Variants in NPAS3 observed in about 807,000 individuals in gnomAD.
The protein encoded by NPAS3 is neuronal PAS domain protein 3.
A neutral mutation model predicts 73.1 loss-of-function variants in NPAS3; 14 were observed. The ratio of observed to expected loss-of-function variants is 0.19; its 90% confidence interval spans 0.13 to 0.30. The LOEUF is 0.30. NPAS3 is among the 10% of genes least tolerant of loss of function. NPAS3 has a pLI of 1.00. For synonymous variants in NPAS3, 620 were observed against 541.5 expected (o/e 1.14, Z -2.01); for missense variants, 1,096 against 1,250.0 (o/e 0.88, Z 1.86).
At chr14:33,677,255 C>CT (rs1225559445) in intron 6 of NPAS3, among the ~76,000 whole-genome samples, 5 of 151,978 alleles carry the variant, frequency 3.3e-5, no homozygotes, top group Non-Finnish European at 7.4e-5. Flanking sequence ...TGGTTTTGTC[C>CT]TTTTTGTACT....
chr14:33,232,860 CA>C (rs769645785), intron 3 of NPAS3, among the ~76,000 whole-genome samples: 1,543 of 152,238 alleles, frequency 0.01, 10 homozygotes, highest in Middle Eastern at 0.031. Flanking sequence ...TATTTAAGTA[CA>C]GGTTTCTCAG....
chr14:33,663,531 T>G (rs1034718799), intron 5 of NPAS3, among the ~76,000 whole-genome samples: 2 of 152,150 alleles, frequency 1.3e-5, no homozygotes, highest in Admixed American at 1.3e-4. Context: ...AATTTTCTTT[T>G]TTTGTTGTGT....
At chr14:33,336,846 T>C (rs2044249687) in intron 3 of NPAS3, among the ~76,000 whole-genome samples, 1 of 142,836 alleles carries the variant, frequency 7.0e-6, no homozygotes, top group Admixed American at 7.2e-5. Context: ...CTGTGGACCA[T>C]CTTTTCAGGT....
chr14:33,508,027 G>A (rs974870396), intron 4 of NPAS3, among the ~76,000 whole-genome samples: 1 of 151,936 alleles, frequency 6.6e-6, no homozygotes, highest in Non-Finnish European at 1.5e-5. Flanking sequence ...TTCCATGAGA[G>A]CACTCAACTT....
chr14:33,052,879 T>A (rs1359312654), intron 1 of NPAS3, among the ~76,000 whole-genome samples: 1 of 152,198 alleles, frequency 6.6e-6, no homozygotes, highest in Non-Finnish European at 1.5e-5. Flanking sequence ...AATATCTTAC[T>A]TATCACTGAA....
At chr14:33,578,340 T>C (rs1471272463) in intron 5 of NPAS3, 10 of 410,614 alleles carry the variant, frequency 2.4e-5, no homozygotes, top group Non-Finnish European at 3.8e-5. Context: ...ATTACAGGCA[T>C]GTACTACCAC....
At chr14:33,763,848 T>G (rs2062375066) in intron 7 of NPAS3, among the ~76,000 whole-genome samples, 1 of 151,748 alleles carries the variant, frequency 6.6e-6, no homozygotes, top group African/African-American at 2.4e-5. Context: ...AGTATTGGTT[T>G]TTTTTTTTTC....
chr14:33,022,467 A>T (rs956816679), intron 1 of NPAS3, among the ~76,000 whole-genome samples: 1 of 152,098 alleles, frequency 6.6e-6, no homozygotes, highest in Non-Finnish European at 1.5e-5. Flanking sequence ...GATCGAGACC[A>T]TCCTGGCTAA....
At chr14:33,300,584 G>T (rs1268338581) in intron 3 of NPAS3, among the ~76,000 whole-genome samples, 2 of 152,212 alleles carry the variant, frequency 1.3e-5, no homozygotes, top group African/African-American at 4.8e-5. Context: ...CTGAGAAGCT[G>T]AGGGGACCCA....
chr14:33,777,183 C>A (rs1285532394), intron 8 of NPAS3, among the ~76,000 whole-genome samples: 1 of 152,092 alleles, frequency 6.6e-6, no homozygotes, highest in Non-Finnish European at 1.5e-5. Context: ...TTAATGACAT[C>A]CTTGTTCCCT....
intron 4 of NPAS3, among the ~76,000 whole-genome samples, chr14:33,394,124 T>G (rs2047122394): frequency 6.6e-6 from 1 of 152,194 alleles, no homozygotes; most frequent in African/African-American, 2.4e-5. Context: ...AGGTTTTGTC[T>G]GTGAATATCA....
chr14:33,749,064 C>T lies in NPAS3; in HGVS notation c.852+13732C>T, dbSNP rs763812343. Among the ~76,000 whole-genome samples, 3 of 152,226 alleles carry T rather than the reference C, an allele frequency of 2.0e-5. No individual in the cohort carries two copies. In the East Asian group the frequency reaches 5.8e-4, roughly 29 times the overall value. ...TAATTTTTAGGGAGGGGTCAGTGAA[C>T]TTTTGCACCTTGTTCTTAGAGAGAC... On this transcript the variant is annotated intron_variant, in intron 7 of 11. Coordinates refer to ENST00000356141, the Ensembl canonical transcript of NPAS3.
chr14:32,950,019 A>G (rs1010666097), intron 1 of NPAS3, among the ~76,000 whole-genome samples: 1 of 152,062 alleles, frequency 6.6e-6, no homozygotes, highest in Admixed American at 6.6e-5. Context: ...TAGTAAAATA[A>G]GAATTAGTGT....
At chr14:33,733,274 A>G (rs536343114) in intron 6 of NPAS3, among the ~76,000 whole-genome samples, 195 of 152,162 alleles carry the variant, frequency 1.3e-3, no homozygotes, top group African/African-American at 4.4e-3. Flanking sequence ...ACTGCTATAA[A>G]TTAAGTCTAA....
chr14:33,780,995 A>G (rs1317428974), intron 9 of NPAS3: 1 of 191,890 alleles, frequency 5.2e-6, no homozygotes, highest in African/African-American at 2.4e-5. Context: ...AGTTCTTTTA[A>G]TAACCTTAAA....
intron 3 of NPAS3, among the ~76,000 whole-genome samples, chr14:33,259,414 A>G (rs17100469): frequency 0.033 from 4,981 of 152,294 alleles, 214 homozygotes; most frequent in East Asian, 0.22. Flanking sequence ...TACCGATGGA[A>G]TAGAAATATG....
At chr14:33,360,065 C>T (rs2045524591) in intron 3 of NPAS3, among the ~76,000 whole-genome samples, 1 of 152,230 alleles carries the variant, frequency 6.6e-6, no homozygotes, top group African/African-American at 2.4e-5. Context: ...GAGTGGCCCA[C>T]TGGCCTCCGC....
At chr14:33,332,972 C>A (rs985608180) in intron 3 of NPAS3, among the ~76,000 whole-genome samples, 2 of 152,206 alleles carry the variant, frequency 1.3e-5, no homozygotes, top group African/African-American at 2.4e-5. Flanking sequence ...GAATGCAATT[C>A]TCCTTCAATT....
intron 2 of NPAS3, among the ~76,000 whole-genome samples, chr14:33,153,784 A>G (rs1011250971): frequency 1.3e-5 from 2 of 152,012 alleles, no homozygotes; most frequent in African/African-American, 2.4e-5. Flanking sequence ...GTCCTAAACC[A>G]TTTGTGTCTT....
Sources: allele counts gnomAD v4.1 joint callset (sites outside exome capture counted in the v4.1 genomes callset), GRCh38; gene constraint gnomAD v4.1.1; transcripts MANE v1.5; gene names NCBI Gene and HGNC (gene_info 2026-07-23, HGNC 2026-07-21).